ITPRID1: variants seen among roughly 807,000 people sequenced by gnomAD.
The protein encoded by ITPRID1 is protein ITPRID1.
ITPRID1 carries 96 observed loss-of-function variants against 95.4 expected under a neutral mutation model. The observed-to-expected ratio is 1.01, with a 90% CI of 0.85 to 1.19. The LOEUF (loss-of-function observed/expected upper bound fraction) is 1.19. Among genes scored for constraint, ITPRID1 ranks in the 50% most tolerant of loss-of-function variants. ITPRID1 has a pLI of 0.00. For missense variants in ITPRID1, 1,339 were observed against 1,252.9 expected, an observed-to-expected ratio of 1.07 and a Z score of -1.04; for synonymous variants, 510 against 453.6, an observed-to-expected ratio of 1.12 and a Z score of -1.58.
intron 10 of ITPRID1, among the ~76,000 whole-genome samples, chr7:31,589,137 T>C (rs541456543): frequency 3.9e-5 from 6 of 152,038 alleles, no homozygotes; most frequent in Non-Finnish European, 8.8e-5. Flanking sequence ...AAAAGAATTA[T>C]AATAAATAAT....
intron 6 of ITPRID1, among the ~76,000 whole-genome samples, chr7:31,570,811 TA>T (rs1784959684): frequency 6.6e-6 from 1 of 151,922 alleles, no homozygotes; most frequent in Admixed American, 6.6e-5. Flanking sequence ...CCTTCCAAAA[TA>T]AGGTGTGGCC....
intron 1 of ITPRID1, among the ~76,000 whole-genome samples, chr7:31,538,492 A>G (rs1783832289): frequency 6.6e-6 from 1 of 152,218 alleles, no homozygotes; most frequent in Non-Finnish European, 1.5e-5. Context: ...CTTAAAGCAA[A>G]CATAAAATTA....
chr7:31,520,985 T>C (rs1038352417), intron 1 of ITPRID1, among the ~76,000 whole-genome samples: 2 of 152,006 alleles, frequency 1.3e-5, no homozygotes, highest in Admixed American at 6.6e-5. Context: ...TTCTTCTCAT[T>C]TCTGGCTAGA....
intron 2 of ITPRID1, chr7:31,551,784 C>G: frequency 3.5e-6 from 1 of 288,510 alleles, no homozygotes; most frequent in South Asian, 2.8e-5. Flanking sequence ...AAATGATTTA[C>G]ATGTCATGTG....
At chr7:31,536,997 C>T (rs1783777240) in intron 1 of ITPRID1, among the ~76,000 whole-genome samples, 1 of 151,978 alleles carries the variant, frequency 6.6e-6, no homozygotes, top group South Asian at 2.1e-4. Context: ...ATTTTGCATG[C>T]CTGAGCTTAA....
At chr7:31,612,114 A>G (rs1786895762) in intron 10 of ITPRID1, among the ~76,000 whole-genome samples, 1 of 151,820 alleles carries the variant, frequency 6.6e-6, no homozygotes, top group South Asian at 2.1e-4. Flanking sequence ...TTCTTCTGCC[A>G]TCTCAGATCT....
At chr7:31,545,710 C>T (rs1005259948) in intron 1 of ITPRID1, among the ~76,000 whole-genome samples, 3 of 152,080 alleles carry the variant, frequency 2.0e-5, no homozygotes, top group Non-Finnish European at 4.4e-5. Context: ...CAGGAGTGAG[C>T]ACCCTTCACA....
intron 9 of ITPRID1, among the ~76,000 whole-genome samples, chr7:31,582,841 C>CA (rs201481505): frequency 4.4e-4 from 67 of 150,734 alleles, no homozygotes; most frequent in Admixed American, 4.1e-3. Flanking sequence ...TCTTTGGAAG[C>CA]AAAAAAAAAT....
At chr7:31,515,325 T>C (rs1783010894) in intron 1 of ITPRID1, among the ~76,000 whole-genome samples, 1 of 150,822 alleles carries the variant, frequency 6.6e-6, no homozygotes, top group Non-Finnish European at 1.5e-5. Flanking sequence ...CAAGTTGTGG[T>C]ATGTCCATGC....
chr7:31,560,186 G>GGC (rs1334863246), intron 5 of ITPRID1, among the ~76,000 whole-genome samples: 2 of 152,174 alleles, frequency 1.3e-5, no homozygotes, highest in Non-Finnish European at 1.5e-5. Context: ...CAAAGCCAGG[G>GGC]GCAGGAGTAT....
intron 5 of ITPRID1, among the ~76,000 whole-genome samples, chr7:31,564,392 A>G (rs1784724599): frequency 6.6e-6 from 1 of 152,196 alleles, no homozygotes; most frequent in African/African-American, 2.4e-5. Flanking sequence ...ACTTGGGGAT[A>G]GTAGGACTTA....
rs1404036382 is a variant in ITPRID1 at position 31,652,551 on chromosome 7, C to T, written c.2857C>T (p.His953Tyr). The T allele has an allele frequency of 6.2e-7, 1 of 1,608,040 alleles. No homozygotes were observed. Among genetic ancestry groups the T allele is most frequent in the African/African-American group, 1.3e-5 (1 of 74,938 alleles). ...GGTTCTCACAGCAGAGCCACCTGAACACTATTCAAATCTGCATCAATATAA... is the reference window on the plus strand; with the variant it reads ...GGTTCTCACAGCAGAGCCACCTGAATACTATTCAAATCTGCATCAATATAA... Reference protein sequence around the residue: ...LEVLTAEPPEHYSNLHQYNWI... With the variant: ...LEVLTAEPPEYYSNLHQYNWI... The change falls in exon 15 of 15, where the codon CAC becomes TAC. Residue 953 changes from histidine (H) to tyrosine (Y), a missense_variant. His to Tyr is a moderately conservative substitution (Grantham distance 83, BLOSUM62 2). Coordinates refer to ENST00000615280, the MANE Select transcript of ITPRID1 (RefSeq NM_001257967.3).
intron 10 of ITPRID1, among the ~76,000 whole-genome samples, chr7:31,619,683 G>T (rs1787619145): frequency 6.6e-6 from 1 of 152,120 alleles, no homozygotes; most frequent in Admixed American, 6.5e-5. Context: ...GAGCCACGCA[G>T]AAGACGGGTG....
intron 6 of ITPRID1, among the ~76,000 whole-genome samples, chr7:31,571,012 G>T (rs566289496): frequency 7.8e-4 from 111 of 141,490 alleles, no homozygotes; most frequent in Non-Finnish European, 1.6e-3. Context: ...AAAGGACAGG[G>T]CCCAGCTATT....
intron 8 of ITPRID1, among the ~76,000 whole-genome samples, chr7:31,577,176 A>T (rs1471533956): frequency 6.6e-6 from 1 of 152,238 alleles, no homozygotes; most frequent in Non-Finnish European, 1.5e-5. Context: ...GTTTATAATC[A>T]TTATTTTAAC....
intron 12 of ITPRID1, among the ~76,000 whole-genome samples, chr7:31,648,136 G>A (rs944279535): frequency 2.0e-5 from 3 of 152,130 alleles, no homozygotes; most frequent in Non-Finnish European, 4.4e-5. Context: ...TATTGTTTAT[G>A]ATTTAGTTTT....
intron 5 of ITPRID1, among the ~76,000 whole-genome samples, chr7:31,568,705 C>A (rs903512748): frequency 7.2e-5 from 11 of 152,208 alleles, no homozygotes; most frequent in African/African-American, 2.7e-4. Context: ...CTGTCTTCAG[C>A]ACCGCTATCA....
At chr7:31,618,514 A>C (rs909359782) in intron 10 of ITPRID1, among the ~76,000 whole-genome samples, 2 of 152,160 alleles carry the variant, frequency 1.3e-5, no homozygotes, top group African/African-American at 4.8e-5. Context: ...CCCAAGAAAA[A>C]ATGCCTCCAG....
At chr7:31,533,641 C>T (rs1783670105) in intron 1 of ITPRID1, among the ~76,000 whole-genome samples, 1 of 152,170 alleles carries the variant, frequency 6.6e-6, no homozygotes, top group South Asian at 2.1e-4. Context: ...CTGCATCCTA[C>T]ACATTTTGAT....
Sources: gnomAD v4.1 joint callset for allele counts (sites outside exome capture counted in the v4.1 genomes callset) on GRCh38, gnomAD v4.1.1 for gene constraint, MANE v1.5 for transcripts, NCBI Gene and HGNC (gene_info 2026-07-23, HGNC 2026-07-21) for gene names.